Variants in SH3RF3 observed in about 807,000 individuals in gnomAD.
The protein encoded by SH3RF3 is E3 ubiquitin-protein ligase SH3RF3.
Under a neutral mutation model 66.3 loss-of-function variants are expected in SH3RF3, and 29 were observed. That is an observed-to-expected ratio of 0.44 (90% confidence interval 0.33 to 0.60). SH3RF3 has a LOEUF of 0.60. Ranked by LOEUF, SH3RF3 falls within the 20% of genes least tolerant of loss-of-function variation. SH3RF3 has a pLI of 0.04. For missense variants in SH3RF3, 1,194 were observed against 1,190.9 expected (o/e 1.00, Z -0.04); for synonymous variants, 583 against 532.0 (o/e 1.10, Z -1.32).
At chr2:109,187,971 A>T (rs1678238566) in intron 1 of SH3RF3, among the ~76,000 whole-genome samples, 1 of 152,032 alleles carries the variant, frequency 6.6e-6, no homozygotes, top group Admixed American at 6.6e-5. Flanking sequence ...GGCGGTAGGG[A>T]TTGTAAGGAA....
chr2:109,453,799 G>A (rs1265034049), intron 8 of SH3RF3, among the ~76,000 whole-genome samples: 1 of 152,188 alleles, frequency 6.6e-6, no homozygotes, highest in African/African-American at 2.4e-5. Context: ...GGGAACAGAG[G>A]GTCACCGACA....
rs571712583 is a variant in SH3RF3, at chr2:109,408,667, G to A, written c.1299+9724G>A. 1.8e-3 allele frequency among the ~76,000 whole-genome samples: 279 copies of A among 152,356 alleles called. 4 individuals are homozygous for A. The highest frequency in any genetic ancestry group is 6.3e-3 in the African/African-American group (264 of 41,586). On this transcript the variant is annotated intron_variant, in intron 4 of 9. Transcript: ENST00000309415. ...CACTGGCACTCTCAGACAGAAGGAT[G>A]GATAGACGGACACACTGAATTAGAG...
At chr2:109,364,011 T>C (rs796927937) in intron 2 of SH3RF3, among the ~76,000 whole-genome samples, 4 of 152,304 alleles carry the variant, frequency 2.6e-5, no homozygotes, top group African/African-American at 9.6e-5. Context: ...GACAATAATT[T>C]GGAGAAATTC....
chr2:109,491,914 C>A (rs1425426919), intron 9 of SH3RF3, among the ~76,000 whole-genome samples: 2 of 152,226 alleles, frequency 1.3e-5, no homozygotes. Flanking sequence ...CTCCCAGACG[C>A]CATTCCCAGT....
At position 109,129,851 on chromosome 2, in the gene SH3RF3, G is replaced by C. The variant is rs751382061; in HGVS notation, c.311G>C (p.Gly104Ala). Residue 104 changes from glycine (G) to alanine (A), a missense_variant, in exon 1 of 10, where the codon GGC (glycine) becomes GCC (alanine). Transcript: ENST00000309415. ...GAGTGCCGCATCCTGGTGGGCTGCG[G>C]CGTGGACGAACTGCCCGCCAACATC... Reference protein sequence around the residue: ...CPECRILVGCGVDELPANILL... With the variant: ...CPECRILVGCAVDELPANILL... 1 of 1,529,060 alleles carries C rather than the reference G, an allele frequency of 6.5e-7. No individual in the cohort carries two copies. The highest frequency in any genetic ancestry group is 1.2e-5 in the South Asian group (1 of 82,604). The allele number at this position is 1,529,060 out of a possible 1,614,324, so 94.7% of individuals were successfully genotyped here.
At chr2:109,430,136 G>A (rs922596195) in intron 5 of SH3RF3, among the ~76,000 whole-genome samples, 14 of 152,310 alleles carry the variant, frequency 9.2e-5, no homozygotes, top group Middle Eastern at 3.4e-3. Flanking sequence ...AGGCAGCCCC[G>A]GACCCCAGAA....
chr2:109,500,658 A>G (rs550888313), intron 9 of SH3RF3, among the ~76,000 whole-genome samples: 83 of 152,322 alleles, frequency 5.4e-4, no homozygotes, highest in African/African-American at 1.9e-3. Flanking sequence ...ACATTTAAAA[A>G]TAAGGACAGG....
intron 1 of SH3RF3, among the ~76,000 whole-genome samples, chr2:109,273,949 T>C (rs1680687881): frequency 6.6e-6 from 1 of 152,226 alleles, no homozygotes; most frequent in South Asian, 2.1e-4. Context: ...GCTATGTGAC[T>C]TTCTGTATGG....
intron 5 of SH3RF3, among the ~76,000 whole-genome samples, chr2:109,428,725 C>T (rs115493732): frequency 8.9e-4 from 136 of 152,330 alleles, no homozygotes; most frequent in African/African-American, 3.1e-3. Flanking sequence ...TGTGAGAATC[C>T]GCAGAGGTGA....
chr2:109,328,041 G>A (rs1434103479), intron 1 of SH3RF3, among the ~76,000 whole-genome samples: 1 of 151,830 alleles, frequency 6.6e-6, no homozygotes, highest in Non-Finnish European at 1.5e-5. Flanking sequence ...TGTTTTTTGG[G>A]GAATCCTTTA....
intron 3 of SH3RF3, among the ~76,000 whole-genome samples, chr2:109,378,568 A>G (rs112747385): frequency 0.032 from 4,903 of 152,020 alleles, 189 homozygotes; most frequent in African/African-American, 0.086. Flanking sequence ...TTACTGTTTG[A>G]GGTATTGGAC....
At chr2:109,271,704 C>G (rs1680629675) in intron 1 of SH3RF3, among the ~76,000 whole-genome samples, 1 of 152,214 alleles carries the variant, frequency 6.6e-6, no homozygotes, top group African/African-American at 2.4e-5. Context: ...CGAAGGGCCC[C>G]CCTCTGCCAA....
intron 1 of SH3RF3, among the ~76,000 whole-genome samples, chr2:109,219,829 T>C (rs1488766621): frequency 6.6e-6 from 1 of 152,202 alleles, no homozygotes; most frequent in Non-Finnish European, 1.5e-5. Flanking sequence ...AGACTTAATA[T>C]TGTTGAGATG....
At chr2:109,319,519 G>A (rs1249865467) in intron 1 of SH3RF3, among the ~76,000 whole-genome samples, 1 of 152,174 alleles carries the variant, frequency 6.6e-6, no homozygotes, top group African/African-American at 2.4e-5. Flanking sequence ...ACACATGTTA[G>A]TACAGATGTG....
intron 1 of SH3RF3, among the ~76,000 whole-genome samples, chr2:109,288,455 A>G (rs1038001308): frequency 2.0e-5 from 3 of 152,230 alleles, no homozygotes; most frequent in African/African-American, 7.2e-5. Context: ...GCCAGAAAGT[A>G]TGAGAGCCCA....
rs111544388 is a variant in SH3RF3, at chr2:109,384,057, C to G, written c.945+12376C>G. ...TTCCATCAGAGGACCACTTGCTCCT[C>G]CCACCCTTAGGTTTCTGTTGGTGGC... On this transcript the variant is annotated intron_variant, in intron 3 of 9. Coordinates refer to ENST00000309415, the MANE Select transcript of SH3RF3 (RefSeq NM_001099289.3). Among the ~76,000 whole-genome samples the G allele has an allele frequency of 9.3e-3, 1,424 of 152,340 alleles. 9 individuals carry two copies. The highest frequency in any genetic ancestry group is 0.021 in the African/African-American group (881 of 41,580).
chr2:109,189,487 A>G (rs1021504537), intron 1 of SH3RF3, among the ~76,000 whole-genome samples: 4 of 151,130 alleles, frequency 2.6e-5, no homozygotes, highest in African/African-American at 7.3e-5. Context: ...TTTTGCCTCA[A>G]CCTCCCGAGT....
chr2:109,478,071 A>C (rs982858385), intron 8 of SH3RF3, among the ~76,000 whole-genome samples: 2 of 152,246 alleles, frequency 1.3e-5, no homozygotes, highest in Non-Finnish European at 2.9e-5. Context: ...TGAGTGTCCC[A>C]TCCACCACAG....
At chr2:109,184,469 CCT>C (rs1259991973) in intron 1 of SH3RF3, among the ~76,000 whole-genome samples, 1 of 152,298 alleles carries the variant, frequency 6.6e-6, no homozygotes, top group African/African-American at 2.4e-5. Context: ...GCTCTGGTCC[CCT>C]GTCTGTCCCA....
Sources: allele counts gnomAD v4.1 joint callset (sites outside exome capture counted in the v4.1 genomes callset), GRCh38; gene constraint gnomAD v4.1.1; transcripts MANE v1.5; gene names NCBI Gene and HGNC (gene_info 2026-07-23, HGNC 2026-07-21).